The following PTPN3 variants were observed in gnomAD, a reference collection of about 807,000 sequenced individuals.
PTPN3 encodes the protein tyrosine-protein phosphatase non-receptor type 3.
A neutral mutation model predicts 132.7 loss-of-function variants in PTPN3; 96 were observed. That is an observed-to-expected ratio of 0.72 (90% CI 0.61 to 0.86). The LOEUF is 0.86. Ranked by LOEUF, PTPN3 falls within the 40% of genes least tolerant of loss-of-function variation. The probability of loss-of-function intolerance (pLI) is 0.00; values close to 1 mark genes in which losing one functional copy is unlikely to be tolerated. For synonymous variants in PTPN3, 398 were observed against 429.0 expected (o/e 0.93, Z 0.89); for missense variants, 1,125 against 1,159.6 (o/e 0.97, Z 0.43).
intron 14 of PTPN3, among the ~76,000 whole-genome samples, chr9:109,416,860 C>T (rs1842543972): frequency 6.6e-6 from 1 of 152,190 alleles, no homozygotes; most frequent in Non-Finnish European, 1.5e-5. Flanking sequence ...AAGCCCCATC[C>T]ACTCGGAGGG....
At chr9:109,493,352 C>T (rs1847541897) in intron 1 of PTPN3, among the ~76,000 whole-genome samples, 1 of 152,238 alleles carries the variant, frequency 6.6e-6, no homozygotes, top group African/African-American at 2.4e-5. Context: ...AGTTTTCTCA[C>T]CCCCTCTGTA....
rs184209816 is a variant in PTPN3 at position 109,462,496 on chromosome 9, A to G, written c.138+801T>C. Among the ~76,000 whole-genome samples the G allele has an allele frequency of 5.9e-3, 905 of 152,120 alleles. 6 individuals carry two copies. Among genetic ancestry groups the G allele is most frequent in the African/African-American group, 0.021 (867 of 41,522 alleles). On this transcript the variant is annotated intron_variant, in intron 2 of 25. Transcript: ENST00000374541. ...TTCTGATGTCTTTCCTTGCACACTG[A>G]ACTTTACAGGTTGGGGCAGATCCTA... is the stretch of plus-strand genomic sequence containing the variant.
chr9:109,477,090 A>G (rs762547433), intron 1 of PTPN3, among the ~76,000 whole-genome samples: 31 of 148,680 alleles, frequency 2.1e-4, no homozygotes, highest in Admixed American at 1.3e-3. Context: ...TCCCAAGCTC[A>G]GGTGGGGGCA....
chr9:109,480,357 G>C (rs1846901081), intron 1 of PTPN3, among the ~76,000 whole-genome samples: 1 of 152,030 alleles, frequency 6.6e-6, no homozygotes, highest in African/African-American at 2.4e-5. Context: ...TAGAGACGGG[G>C]TTTCACCATG....
At chr9:109,458,984 C>T (rs1466294913) in intron 2 of PTPN3, among the ~76,000 whole-genome samples, 7 of 152,330 alleles carry the variant, frequency 4.6e-5, no homozygotes, top group East Asian at 3.9e-4. Flanking sequence ...CCCTTGCCAA[C>T]GAGCAGAGGC....
At chr9:109,458,313 C>T (rs1283814627) in intron 2 of PTPN3, among the ~76,000 whole-genome samples, 1 of 152,186 alleles carries the variant, frequency 6.6e-6, no homozygotes, top group Non-Finnish European at 1.5e-5. Context: ...TAAAAACAGG[C>T]CTTTGGATCA....
chr9:109,428,705 C>T, intron 10 of PTPN3, 21 bp from the exon 11 acceptor site: 1 of 1,608,700 alleles, frequency 6.2e-7, no homozygotes, highest in Non-Finnish European at 8.5e-7. Context: ...TAAAACAAAA[C>T]ACAAACAAAG....
rs554141961 is a variant in PTPN3, at chr9:109,448,988, G to A, written c.369-133C>T. 88 of 1,460,104 alleles carry A rather than the reference G, an allele frequency of 6.0e-5. No individual in the cohort carries two copies. The African/African-American group carries it at 1.0e-3, about 17-fold the overall frequency. 90.4% of individuals were successfully genotyped at this position (1,460,104 alleles called of 1,614,324 possible). On this transcript the variant is annotated intron_variant, in intron 5 of 25. Coordinates refer to ENST00000374541, the MANE Select transcript of PTPN3 (RefSeq NM_002829.4). ...ACATAAAAATACGGTTTTGGTCCAA[G>A]GTATCAGGTGCTACCTTACGCTCTG... is the stretch of plus-strand genomic sequence containing the variant.
intron 2 of PTPN3, among the ~76,000 whole-genome samples, chr9:109,460,724 T>A (rs759955550): frequency 6.6e-6 from 1 of 152,174 alleles, no homozygotes; most frequent in Non-Finnish European, 1.5e-5. Context: ...CACCTTGCCC[T>A]GGCACTCTCT....
intron 2 of PTPN3, among the ~76,000 whole-genome samples, 169 bp downstream of exon 2, chr9:109,463,128 T>C (rs893782824): frequency 3.3e-5 from 5 of 151,406 alleles, no homozygotes; most frequent in Non-Finnish European, 5.9e-5. Flanking sequence ...AGAGGTGAAA[T>C]TGGGGCAACA....
rs536122616 is a variant in PTPN3, at chr9:109,427,526, C to T, written c.829-404G>A. Among the ~76,000 whole-genome samples, 7 of 152,330 alleles carry T rather than the reference C, an allele frequency of 4.6e-5. No individual in the cohort carries two copies. The East Asian group carries it at 1.2e-3, about 25-fold the overall frequency. On this transcript the variant is annotated intron_variant, in intron 11 of 25. Transcript: ENST00000374541. ...ATCAGACAACAGCAAGTTTATAACCCTTTGGGTTTTTCTCTATTTGCTTTC... is the reference window on the plus strand; with the variant it reads ...ATCAGACAACAGCAAGTTTATAACCTTTTGGGTTTTTCTCTATTTGCTTTC...
rs774623127 is a variant in PTPN3, at chr9:109,463,386, T to A, written c.49A>T (p.Thr17Ser). 4.3e-6 allele frequency: 7 copies of A among 1,613,128 alleles called. No homozygotes were observed. In the South Asian group the frequency reaches 7.7e-5, roughly 18 times the overall value. The change falls in exon 2 of 26, where the codon ACC (threonine) becomes TCC (serine). Residue 17 changes from threonine to serine, a missense_variant. Transcript: ENST00000374541. ...GTTTTCTCTTTGGGTAACTCCGAGG[T>A]GCGTATATTATTAATTCTTCCACCC... ...ALGGRINNIR[T>S]SELPKEKTRS...
At chr9:109,470,157 C>T (rs1211716536) in intron 1 of PTPN3, among the ~76,000 whole-genome samples, 1 of 152,092 alleles carries the variant, frequency 6.6e-6, no homozygotes, top group East Asian at 1.9e-4. Context: ...AATGATTCAT[C>T]AAATTAAGTG....
chr9:109,463,718 T>A (rs1845961797), intron 1 of PTPN3, among the ~76,000 whole-genome samples: 1 of 152,234 alleles, frequency 6.6e-6, no homozygotes. Context: ...AATTTATATT[T>A]CCCAGGCTTT....
At chr9:109,501,063 T>A (rs146813238), upstream of PTPN3, among the ~76,000 whole-genome samples, 945 of 152,354 alleles carry the variant, frequency 6.2e-3, 8 homozygotes, top group African/African-American at 0.022. Flanking sequence ...GGGTGTTTTT[T>A]AAAAGTTTAT....
intron 4 of PTPN3, among the ~76,000 whole-genome samples, chr9:109,456,148 G>T (rs1457691933): frequency 6.6e-6 from 1 of 152,236 alleles, no homozygotes; most frequent in Non-Finnish European, 1.5e-5. Flanking sequence ...GCTGAGGCAG[G>T]TGTGCGTGTG....
intron 13 of PTPN3, among the ~76,000 whole-genome samples, chr9:109,420,801 T>C (rs1000480602): frequency 2.0e-5 from 3 of 152,164 alleles, no homozygotes; most frequent in African/African-American, 4.8e-5. Context: ...CTCAGTCAAG[T>C]GGTGGCTCCC....
At chr9:109,412,377 AT>A (rs60379815) in intron 14 of PTPN3, among the ~76,000 whole-genome samples, 5,678 of 142,426 alleles carry the variant, frequency 0.04, 128 homozygotes, top group Non-Finnish European at 0.062. Flanking sequence ...ACTAATTTTA[AT>A]TTTTTTTTTT....
intron 21 of PTPN3, 28 bp downstream of exon 21, chr9:109,391,110 T>C (rs747345371): frequency 1.8e-5 from 29 of 1,598,454 alleles, no homozygotes; most frequent in Non-Finnish European, 2.4e-5. Context: ...GAATGTGCTC[T>C]TAAGCATCAT....
Sources: gnomAD v4.1 joint callset for allele counts (sites outside exome capture counted in the v4.1 genomes callset) on GRCh38, gnomAD v4.1.1 for gene constraint, MANE v1.5 for transcripts, NCBI Gene and HGNC (gene_info 2026-07-23, HGNC 2026-07-21) for gene names.